The following TANC1 variants were observed in gnomAD, a reference collection of about 807,000 sequenced individuals.
The protein encoded by TANC1 is protein TANC1.
Under a neutral mutation model 149.7 loss-of-function variants are expected in TANC1, and 77 were observed. That is an observed-to-expected ratio of 0.51 (90% CI 0.43 to 0.62). The LOEUF (loss-of-function observed/expected upper bound fraction) is 0.62. TANC1 is among the 20% of genes least tolerant of loss of function. The pLI, the probability that TANC1 is intolerant of heterozygous loss-of-function variation, is 0.00. For synonymous variants in TANC1, 854 were observed against 925.0 expected, an observed-to-expected ratio of 0.92 and a Z score of 1.39; for missense variants, 1,985 against 2,321.8, an observed-to-expected ratio of 0.85 and a Z score of 2.98.
At chr2:159,137,604 GA>G (rs1184363578) in intron 5 of TANC1, among the ~76,000 whole-genome samples, 2 of 152,208 alleles carry the variant, frequency 1.3e-5, no homozygotes, top group Non-Finnish European at 2.9e-5. Context: ...GCTGGTACAT[GA>G]GGCCTCTCTT....
At chr2:159,212,919 CAAAAAAAA>C (rs35369711) in intron 19 of TANC1, among the ~76,000 whole-genome samples, 6 of 114,982 alleles carry the variant, frequency 5.2e-5, no homozygotes, top group East Asian at 4.5e-4. Context: ...GACACCGTCT[CAAAAAAAA>C]AAAAAAAAAA....
Position 158,980,104 on chromosome 2 carries a change from G to A in TANC1, c.-126+11322G>A, listed in dbSNP as rs890079031. Among the ~76,000 whole-genome samples the A allele has an allele frequency of 1.1e-4, 16 of 152,256 alleles. No homozygotes were observed. The South Asian group carries it at 2.1e-3, about 20-fold the overall frequency. On this transcript the variant is annotated intron_variant, in intron 1 of 26. Coordinates refer to ENST00000263635, the MANE Select transcript of TANC1 (RefSeq NM_033394.3). ...GTCTTAGGAAGTTAACAGGTGTTAC[G>A]CAGGGAAAAAAGTCCTGTGGTCAAA...
chr2:159,196,589 C>A lies in TANC1; in HGVS notation c.2980-19C>A. 6.3e-7 allele frequency: 1 copy of A among 1,586,104 alleles called. No homozygotes were observed. The highest frequency in any genetic ancestry group is 1.1e-5 in the South Asian group (1 of 88,314). On this transcript the variant is annotated intron_variant, in intron 17 of 26. Coordinates refer to ENST00000263635, the MANE Select transcript of TANC1 (RefSeq NM_033394.3). ...CAAAGTAATGCTCAGCTGTAACCTT[C>A]CCCTACTCCTGCCCCCAGGTGGACC... is the stretch of plus-strand genomic sequence containing the variant.
intron 2 of TANC1, among the ~76,000 whole-genome samples, chr2:159,003,021 G>A (rs1312239975): frequency 6.6e-6 from 1 of 152,184 alleles, no homozygotes; most frequent in Non-Finnish European, 1.5e-5. Flanking sequence ...AGCATCGCTG[G>A]AAAGTGCTAG....
At chr2:159,149,004 G>GGC (rs2052466727) in intron 5 of TANC1, 138 bp from the exon 6 acceptor site, 5 of 949,170 alleles carry the variant, frequency 5.3e-6, no homozygotes, top group Admixed American at 2.4e-5. Context: ...AGAGGACAGG[G>GGC]TGCGTTGTCC....
At chr2:159,126,912 G>A (rs182337443) in intron 4 of TANC1, among the ~76,000 whole-genome samples, 52 of 152,336 alleles carry the variant, frequency 3.4e-4, no homozygotes, top group African/African-American at 1.3e-3. Flanking sequence ...ATGAATTAAT[G>A]CATTTCCATG....
At position 159,150,319 on chromosome 2, in the gene TANC1, C is replaced by T. The variant is rs111280297; in HGVS notation, c.496-51C>T. The T allele has an allele frequency of 4.9e-3, 7,172 of 1,475,550 alleles. 14 individuals are homozygous for T. Among genetic ancestry groups the T allele is most frequent in the Non-Finnish European group, 5.8e-3 (6,200 of 1,073,822 alleles). 91.4% of individuals were successfully genotyped at this position (1,475,550 alleles called of 1,614,324 possible). ...TTAGCACAAAAACAAAAGCATGTGT[C>T]GAAGCATCCTGTGTAAGCCGTGCTA... is the stretch of plus-strand genomic sequence containing the variant. On this transcript the variant is annotated intron_variant, in intron 6 of 26. Coordinates refer to ENST00000263635, the MANE Select transcript of TANC1 (RefSeq NM_033394.3).
intron 7 of TANC1, among the ~76,000 whole-genome samples, chr2:159,160,111 C>G (rs958286820): frequency 1.3e-5 from 2 of 152,182 alleles, no homozygotes; most frequent in African/African-American, 4.8e-5. Flanking sequence ...CACAGCCTAA[C>G]CTCACAGCCT....
At chr2:159,154,529 T>C (rs73002940) in intron 7 of TANC1, among the ~76,000 whole-genome samples, 1,622 of 152,256 alleles carry the variant, frequency 0.011, 31 homozygotes, top group African/African-American at 0.036. Context: ...CCAGTCTTCC[T>C]CTCTGGAGGC....
chr2:159,039,243 TATTA>T (rs1028945854), intron 2 of TANC1, among the ~76,000 whole-genome samples: 22 of 152,212 alleles, frequency 1.4e-4, no homozygotes. Context: ...TTCTCTTCTT[TATTA>T]GTCTTGCTAG....
At chr2:159,128,939 C>G (rs188033218) in intron 4 of TANC1, among the ~76,000 whole-genome samples, 1 of 152,234 alleles carries the variant, frequency 6.6e-6, no homozygotes, top group Non-Finnish European at 1.5e-5. Flanking sequence ...CCCCCTGCCC[C>G]CAAAATATTA....
chr2:159,000,328 A>G (rs2036515372), intron 1 of TANC1, among the ~76,000 whole-genome samples: 1 of 152,144 alleles, frequency 6.6e-6, no homozygotes, highest in South Asian at 2.1e-4. Context: ...GGGTGTTAGC[A>G]CGTCAAGCCT....
chr2:159,011,989 G>C (rs2037819735), intron 2 of TANC1, among the ~76,000 whole-genome samples: 1 of 152,042 alleles, frequency 6.6e-6, no homozygotes, highest in Non-Finnish European at 1.5e-5. Context: ...AAACTTCCTG[G>C]GTTAGGAAAG....
chr2:159,033,074 A>G (rs2039909848), intron 2 of TANC1, among the ~76,000 whole-genome samples: 1 of 152,210 alleles, frequency 6.6e-6, no homozygotes, highest in Non-Finnish European at 1.5e-5. Context: ...CAGCCTAAAT[A>G]TACTGAGCCC....
chr2:159,230,676 G>A lies in TANC1; in HGVS notation c.5250G>A (p.Glu1750=), dbSNP rs2151009383. The A allele has an allele frequency of 6.2e-7, 1 of 1,614,198 alleles. No homozygotes were observed. Among genetic ancestry groups the A allele is most frequent in the Admixed American group, 1.7e-5 (1 of 60,032 alleles). The change falls in exon 27 of 27, where the codon GAG becomes GAA. Residue 1750 remains glutamate (E), a synonymous_variant. Coordinates refer to ENST00000263635, the MANE Select transcript of TANC1 (RefSeq NM_033394.3). The surrounding 1 kb of genome is among the most constrained non-coding windows in gnomAD (Gnocchi z 4.4). The part of the protein sequence containing the change: ...PSRSWHCPAP[E]GLLTNTSSAA... ...GCAGCTGGCACTGTCCGGCACCAGA[G>A]GGGCTGCTGACAAACACGTCTTCTG...
chr2:159,032,085 G>C (rs1268930061), intron 2 of TANC1, among the ~76,000 whole-genome samples: 1 of 152,212 alleles, frequency 6.6e-6, no homozygotes. Flanking sequence ...CAAAGATTCA[G>C]AAGGCTTCAT....
In TANC1 at chr2:159,094,536, C is replaced by T. The variant is rs76892862; in HGVS notation, c.62-3101C>T. ...GGTCAGAGGGCATCCGGCTCCACTG[C>T]GCGCTGGCATCATGGTGCAGCCTAG... On this transcript the variant is annotated intron_variant, in intron 3 of 26. Coordinates refer to ENST00000263635, the MANE Select transcript of TANC1 (RefSeq NM_033394.3). Among the ~76,000 whole-genome samples the T allele has an allele frequency of 1.4e-3, 217 of 152,312 alleles. 2 individuals are homozygous for T. In the East Asian group the frequency reaches 0.033, roughly 23 times the overall value.
chr2:159,118,983 T>G (rs2048576154), intron 4 of TANC1, among the ~76,000 whole-genome samples: 1 of 152,254 alleles, frequency 6.6e-6, no homozygotes. Flanking sequence ...GTAGTTACTT[T>G]GTTTGACATA....
intron 2 of TANC1, among the ~76,000 whole-genome samples, chr2:159,037,268 G>A (rs543950816): frequency 6.6e-6 from 1 of 152,266 alleles, no homozygotes; most frequent in South Asian, 2.1e-4. Context: ...TTAGCTCTTT[G>A]TCAGATGGGT....
Sources: gnomAD v4.1 joint callset for allele counts (sites outside exome capture counted in the v4.1 genomes callset) on GRCh38, gnomAD v4.1.1 for gene constraint, Gnocchi (gnomAD v3.1) non-coding constraint, MANE v1.5 for transcripts, NCBI Gene and HGNC (gene_info 2026-07-23, HGNC 2026-07-21) for gene names.